The following PGBD5 variants were observed in gnomAD, a reference collection of about 807,000 sequenced individuals.
The protein encoded by PGBD5 is piggyBac transposable element-derived protein 5.
PGBD5 carries 14 observed loss-of-function variants against 47.9 expected under a neutral mutation model. The observed-to-expected ratio is 0.29, with a 90% CI of 0.19 to 0.46. The LOEUF is 0.46. PGBD5 is among the 20% of genes least tolerant of loss of function. The pLI, the probability that PGBD5 is intolerant of heterozygous loss-of-function variation, is 1.00. For missense variants in PGBD5, 635 were observed against 716.0 expected (o/e 0.89, Z 1.29); for synonymous variants, 316 against 306.3 (o/e 1.03, Z -0.33).
chr1:230,359,486 G>A (rs927010860), intron 1 of PGBD5, among the ~76,000 whole-genome samples: 3 of 152,292 alleles, frequency 2.0e-5, no homozygotes, highest in African/African-American at 7.2e-5. Context: ...GAAAAATTAA[G>A]AGAGATAATG....
At chr1:230,350,347 C>T (rs1667542007) in intron 3 of PGBD5, among the ~76,000 whole-genome samples, 1 of 152,232 alleles carries the variant, frequency 6.6e-6, no homozygotes, top group African/African-American at 2.4e-5. Flanking sequence ...GGAGTATCAT[C>T]ACAAAAAGCA....
At chr1:230,332,771 C>T (rs1235887069) in intron 5 of PGBD5, 73 bp downstream of exon 5, 2 of 1,554,354 alleles carry the variant, frequency 1.3e-6, no homozygotes, top group South Asian at 1.2e-5. Context: ...CCACATCCAC[C>T]GCAGCGGTGG....
At chr1:230,342,459 C>T (rs576731660) in intron 3 of PGBD5, among the ~76,000 whole-genome samples, 1 of 152,322 alleles carries the variant, frequency 6.6e-6, no homozygotes, top group South Asian at 2.1e-4. Flanking sequence ...GCTGTGGAAA[C>T]AGCACAGCAG....
intron 1 of PGBD5, among the ~76,000 whole-genome samples, chr1:230,381,024 G>A (rs1656467253): frequency 6.6e-6 from 1 of 152,226 alleles, no homozygotes; most frequent in African/African-American, 2.4e-5. Context: ...TGACAATGAG[G>A]CAAACACCAT....
chr1:230,328,872 C>T (rs949444268), intron 5 of PGBD5, among the ~76,000 whole-genome samples: 18 of 152,162 alleles, frequency 1.2e-4, no homozygotes, highest in Admixed American at 2.0e-4. Flanking sequence ...AGGTGGATTT[C>T]GAAAGAAAAG....
chr1:230,394,900 TC>T (rs1656889979), intron 1 of PGBD5, among the ~76,000 whole-genome samples: 1 of 38,996 alleles, frequency 2.6e-5, no homozygotes, highest in Non-Finnish European at 5.1e-5. Flanking sequence ...CTCCCCATCC[TC>T]GAGCTCCTCT....
At chr1:230,372,572 C>T (rs559702178) in intron 1 of PGBD5, among the ~76,000 whole-genome samples, 3 of 152,196 alleles carry the variant, frequency 2.0e-5, no homozygotes, top group Non-Finnish European at 2.9e-5. Flanking sequence ...ATACTACTCT[C>T]CAATGGAAAC....
intron 1 of PGBD5, among the ~76,000 whole-genome samples, chr1:230,420,361 T>C (rs757221570): frequency 2.6e-5 from 4 of 152,228 alleles, no homozygotes; most frequent in Non-Finnish European, 4.4e-5. Context: ...GTAAGATACA[T>C]GAAGCACATA....
Position 230,357,975 on chromosome 1 carries a change from CACAT to C in PGBD5, c.332-658_332-655del, listed in dbSNP as rs545758834. On this transcript the variant is annotated intron_variant, in intron 1 of 6. Coordinates refer to ENST00000391860, the MANE Select transcript of PGBD5 (RefSeq NM_001258311.2). The surrounding 1 kb of genome is among the most constrained non-coding windows in gnomAD (Gnocchi z 5.7). Reference sequence around the variant, plus strand: ...ATGCATATATACACATACATACACACACATACATACATACATACACAGGCACACA... The same window carrying C: ...ATGCATATATACACATACATACACACACATACATACATACACAGGCACACA... Among the ~76,000 whole-genome samples, 1,483 of 151,996 alleles carry C rather than the reference CACAT, an allele frequency of 9.8e-3. 25 individuals carry two copies. The highest frequency in any genetic ancestry group is 0.034 in the African/African-American group (1,402 of 41,452).
chr1:230,317,760 C>T lies in PGBD5; in HGVS notation c.*5665G>A, dbSNP rs1023504724. 2.6e-5 allele frequency: 4 copies of T among 152,232 alleles called. No homozygotes were observed. Among genetic ancestry groups the T allele is most frequent in the African/African-American group, 9.7e-5 (4 of 41,448 alleles). The allele number at this position is 152,232 out of a possible 1,614,324, so 9.4% of individuals were successfully genotyped here. A position where few individuals can be genotyped will look rare whatever the true frequency, so the allele number is the denominator to read the frequency against. On this transcript the variant is annotated 3_prime_UTR_variant, in exon 7 of 7. Coordinates refer to ENST00000391860, the MANE Select transcript of PGBD5 (RefSeq NM_001258311.2). Reference sequence around the variant, plus strand: ...CGTCTTCCTAGGTCTTTCACACAAGCCGATGTCCTCCCCGCCCTTTCTGTT... The same window carrying T: ...CGTCTTCCTAGGTCTTTCACACAAGTCGATGTCCTCCCCGCCCTTTCTGTT...
chr1:230,394,389 C>CTAA (rs1439914930), intron 1 of PGBD5, among the ~76,000 whole-genome samples: 9 of 151,746 alleles, frequency 5.9e-5, no homozygotes, highest in Non-Finnish European at 1.0e-4. Flanking sequence ...TCAGGCACTG[C>CTAA]TAATGGTGCT....
At chr1:230,424,573 G>A (rs1045073478) in intron 1 of PGBD5, among the ~76,000 whole-genome samples, 2 of 152,216 alleles carry the variant, frequency 1.3e-5, no homozygotes, top group South Asian at 4.1e-4. Flanking sequence ...CCCATGTGCC[G>A]TGTTCCTGAC....
intron 3 of PGBD5, among the ~76,000 whole-genome samples, chr1:230,342,430 T>A (rs1394017214): frequency 6.6e-6 from 1 of 152,194 alleles, no homozygotes; most frequent in Non-Finnish European, 1.5e-5. Context: ...CAAGGAGCTA[T>A]GAAGGTGAAA....
intron 5 of PGBD5, among the ~76,000 whole-genome samples, chr1:230,331,600 C>T (rs535679659): frequency 6.6e-6 from 1 of 151,946 alleles, no homozygotes; most frequent in Non-Finnish European, 1.5e-5. Flanking sequence ...CCTTCTTCAT[C>T]TCCTTTCTTC....
chr1:230,374,921 G>T (rs1667987818), intron 1 of PGBD5, among the ~76,000 whole-genome samples: 2 of 152,194 alleles, frequency 1.3e-5, no homozygotes, highest in African/African-American at 2.4e-5. Flanking sequence ...AGCCCATGAG[G>T]AGAGAGCAGG....
chr1:230,333,688 A>G (rs1667258755), intron 4 of PGBD5, among the ~76,000 whole-genome samples: 1 of 152,244 alleles, frequency 6.6e-6, no homozygotes, highest in Non-Finnish European at 1.5e-5. Context: ...ATGCGAAGGA[A>G]AGAATAATCC....
chr1:230,360,672 C>T (rs1667728334), intron 1 of PGBD5, among the ~76,000 whole-genome samples: 1 of 152,200 alleles, frequency 6.6e-6, no homozygotes, highest in Non-Finnish European at 1.5e-5. Context: ...TTGTAAGTTT[C>T]CTGAGGTCTT....
Position 230,322,887 on chromosome 1 carries a change from G to A in PGBD5, c.*538C>T, listed in dbSNP as rs1680683616. 1 of 154,668 alleles carries A rather than the reference G, an allele frequency of 6.5e-6. No homozygotes were observed. The highest frequency in any genetic ancestry group is 1.4e-5 in the Non-Finnish European group (1 of 69,324). 9.6% of individuals were successfully genotyped at this position (154,668 alleles called of 1,614,324 possible). On this transcript the variant is annotated 3_prime_UTR_variant, in exon 7 of 7. Transcript: ENST00000391860. The surrounding 1 kb of genome is among the most constrained non-coding windows in gnomAD (Gnocchi z 5.9). ...CATTTCACCACTGTACACCCAGGAT[G>A]TGTGTCTTCTTCTAAGAGACCGGTT...
At chr1:230,325,489 T>G in intron 5 of PGBD5, 74 bp from the exon 6 acceptor site, 1 of 1,056,784 alleles carries the variant, frequency 9.5e-7, no homozygotes, top group Non-Finnish European at 1.4e-6. Flanking sequence ...GTGCCTATCT[T>G]CGTCCAGCTT....
Sources: gnomAD v4.1 joint callset for allele counts (sites outside exome capture counted in the v4.1 genomes callset) on GRCh38, gnomAD v4.1.1 for gene constraint, Gnocchi (gnomAD v3.1) non-coding constraint, MANE v1.5 for transcripts, NCBI Gene and HGNC (gene_info 2026-07-23, HGNC 2026-07-21) for gene names.